The following LY86 variants were observed in gnomAD, a reference collection of about 807,000 sequenced individuals.
LY86 encodes the protein lymphocyte antigen 86, also known as MD-1, RP105-associated.
A neutral mutation model predicts 17.3 loss-of-function variants in LY86; 20 were observed. That is an observed-to-expected ratio of 1.15 (90% CI 0.81 to 1.68). The LOEUF (loss-of-function observed/expected upper bound fraction) is 1.68. LY86 is among the 40% of genes most tolerant of loss of function. LY86 has a pLI of 0.00. For missense variants in LY86, 200 were observed against 191.9 expected (o/e 1.04, Z -0.25); for synonymous variants, 74 against 70.6 (o/e 1.05, Z -0.24).
chr6:6,625,285 C>CA (rs544780995), intron 2 of LY86, among the ~76,000 whole-genome samples: 38 of 149,062 alleles, frequency 2.5e-4, no homozygotes, highest in African/African-American at 5.7e-4. Flanking sequence ...GTATACCCAG[C>CA]AAAAAAAAAG....
intron 4 of LY86, among the ~76,000 whole-genome samples, chr6:6,653,203 C>G (rs1762213314): frequency 6.6e-6 from 1 of 152,204 alleles, no homozygotes; most frequent in Admixed American, 6.5e-5. Context: ...GGGGACTCCA[C>G]TCTCTTTGGA....
At chr6:6,633,532 T>A (rs1761923770) in intron 3 of LY86, among the ~76,000 whole-genome samples, 1 of 152,092 alleles carries the variant, frequency 6.6e-6, no homozygotes, top group African/African-American at 2.4e-5. Flanking sequence ...TGATAACACC[T>A]AAGTATTAAG....
chr6:6,619,833 G>A (rs1360065986), intron 1 of LY86, among the ~76,000 whole-genome samples: 2 of 152,126 alleles, frequency 1.3e-5, no homozygotes, highest in African/African-American at 4.8e-5. Context: ...GAAACAGAGA[G>A]AGAGAAAGGG....
intron 1 of LY86, among the ~76,000 whole-genome samples, chr6:6,606,024 A>G (rs1042714370): frequency 4.6e-5 from 7 of 152,328 alleles, no homozygotes; most frequent in Middle Eastern, 6.8e-3. Flanking sequence ...AAACTTCCAC[A>G]GCACGTAATA....
At chr6:6,613,877 C>T (rs1450126060) in intron 1 of LY86, among the ~76,000 whole-genome samples, 2 of 152,332 alleles carry the variant, frequency 1.3e-5, no homozygotes, top group East Asian at 1.9e-4. Context: ...TTAACCAGCT[C>T]CCACAGTGCA....
At chr6:6,632,991 A>T (rs1761915290) in intron 3 of LY86, among the ~76,000 whole-genome samples, 1 of 152,198 alleles carries the variant, frequency 6.6e-6, no homozygotes, top group Non-Finnish European at 1.5e-5. Flanking sequence ...TCTCTGATTT[A>T]TCAAGCGTTC....
intron 1 of LY86, among the ~76,000 whole-genome samples, chr6:6,604,305 T>C (rs1380595361): frequency 6.6e-6 from 1 of 151,724 alleles, no homozygotes; most frequent in Non-Finnish European, 1.5e-5. Flanking sequence ...ATTTTAGAAA[T>C]AAAAGATACA....
At position 6,611,989 on chromosome 6, in the gene LY86, C is replaced by CTGAGTACTGAACACTA. The variant is rs1554124558; in HGVS notation, c.137-12933_137-12918dup. 2.1e-4 allele frequency among the ~76,000 whole-genome samples: 15 copies of CTGAGTACTGAACACTA among 72,104 alleles called. No individual in the cohort carries two copies. The East Asian group carries it at 3.5e-3, about 17-fold the overall frequency. The allele number at this position is 72,104 out of a possible 152,430, so 47.3% of individuals were successfully genotyped here. A position where few individuals can be genotyped will look rare whatever the true frequency, so the allele number is the denominator to read the frequency against. Reference sequence around the variant, plus strand: ...CTTGAAAGGATATCTACCCCCTTAACTGAGTACTGAACACTATGAAAATAA... The same window carrying CTGAGTACTGAACACTA: ...CTTGAAAGGATATCTACCCCCTTAACTGAGTACTGAACACTATGAGTACTGAACACTATGAAAATAA... On this transcript the variant is annotated intron_variant, in intron 1 of 4. Transcript: ENST00000230568.
chr6:6,608,454 T>C (rs979319808), intron 1 of LY86, among the ~76,000 whole-genome samples: 5 of 152,346 alleles, frequency 3.3e-5, no homozygotes, highest in South Asian at 4.1e-4. Flanking sequence ...AAAATTTAGG[T>C]TGTTTCCACT....
intron 1 of LY86, among the ~76,000 whole-genome samples, chr6:6,620,210 G>A (rs1300132142): frequency 1.3e-5 from 2 of 152,184 alleles, no homozygotes; most frequent in African/African-American, 4.8e-5. Context: ...TTGTATCAGT[G>A]TCAATGTCCC....
chr6:6,613,410 G>A (rs374259582), intron 1 of LY86, among the ~76,000 whole-genome samples: 2 of 152,234 alleles, frequency 1.3e-5, no homozygotes, highest in African/African-American at 2.4e-5. Flanking sequence ...CAGGCATGGT[G>A]GGCTGCAGGT....
intron 1 of LY86, among the ~76,000 whole-genome samples, chr6:6,590,276 T>C (rs1760486095): frequency 6.6e-6 from 1 of 152,106 alleles, no homozygotes. Context: ...CTATGGTTTT[T>C]GGACCCAATA....
intron 1 of LY86, among the ~76,000 whole-genome samples, chr6:6,598,888 T>C (rs1256157928): frequency 2.0e-5 from 3 of 152,250 alleles, no homozygotes; most frequent in African/African-American, 7.2e-5. Context: ...TAGTTCATCA[T>C]CCTAGAACAT....
chr6:6,617,347 G>A (rs1215960841), intron 1 of LY86, among the ~76,000 whole-genome samples: 1 of 152,196 alleles, frequency 6.6e-6, no homozygotes, highest in African/African-American at 2.4e-5. Context: ...CTGTTATTAA[G>A]ATGGTGTTTA....
intron 1 of LY86, among the ~76,000 whole-genome samples, chr6:6,590,600 C>A (rs905521961): frequency 2.0e-5 from 3 of 152,094 alleles, no homozygotes; most frequent in Non-Finnish European, 4.4e-5. Flanking sequence ...AAGTGGGGAG[C>A]AACTCAGGAG....
chr6:6,610,026 A>G (rs1761291538), intron 1 of LY86, among the ~76,000 whole-genome samples: 1 of 152,080 alleles, frequency 6.6e-6, no homozygotes, highest in African/African-American at 2.4e-5. Flanking sequence ...GGCTCCAGCG[A>G]TCCTCCTGCC....
chr6:6,650,142 T>C (rs1159729371), intron 4 of LY86, among the ~76,000 whole-genome samples: 1 of 152,200 alleles, frequency 6.6e-6, no homozygotes, highest in Non-Finnish European at 1.5e-5. Context: ...GTTACTGTCC[T>C]TTCATTGTTA....
In LY86 at chr6:6,641,251, A is replaced by C. The variant is rs936012686; in HGVS notation, c.353-8374A>C. On this transcript the variant is annotated intron_variant, in intron 3 of 4. Transcript: ENST00000230568. ...CATTTGACTTGCCAAAGAGTCCCAAAGTTTTCAAATCCACTTTATTAGAGT... is the reference window on the plus strand; with the variant it reads ...CATTTGACTTGCCAAAGAGTCCCAACGTTTTCAAATCCACTTTATTAGAGT... Among the ~76,000 whole-genome samples, 31 of 152,352 alleles carry C rather than the reference A, an allele frequency of 2.0e-4. 1 individual carries two copies. Among genetic ancestry groups the C allele is most frequent in the South Asian group, 2.1e-4 (1 of 4,830 alleles).
chr6:6,598,548 T>C (rs920052239), intron 1 of LY86, among the ~76,000 whole-genome samples: 4 of 152,254 alleles, frequency 2.6e-5, no homozygotes, highest in African/African-American at 9.6e-5. Flanking sequence ...AGTCCACAAG[T>C]TGAGCTCTCT....
Sources: allele counts gnomAD v4.1 joint callset (sites outside exome capture counted in the v4.1 genomes callset), GRCh38; gene constraint gnomAD v4.1.1; transcripts MANE v1.5; gene names NCBI Gene and HGNC (gene_info 2026-07-23, HGNC 2026-07-21).